The following GLB1 variants were observed in gnomAD, a reference collection of about 807,000 sequenced individuals.
The protein encoded by GLB1 is beta-galactosidase.
GLB1 carries 56 observed loss-of-function variants against 74.0 expected under a neutral mutation model. The observed-to-expected ratio is 0.76, with a 90% CI of 0.61 to 0.94. The LOEUF (loss-of-function observed/expected upper bound fraction) is 0.94. Ranked by LOEUF, GLB1 falls within the 40% of genes least tolerant of loss-of-function variation. The probability of loss-of-function intolerance (pLI) is 0.00; values close to 1 mark genes in which losing one functional copy is unlikely to be tolerated. For synonymous variants in GLB1, 323 were observed against 323.6 expected (o/e 1.00, Z 0.02); for missense variants, 787 against 845.5 (o/e 0.93, Z 0.86).
chr3:33,076,860 C>T (rs946058760), intron 1 of GLB1, among the ~76,000 whole-genome samples: 18 of 152,146 alleles, frequency 1.2e-4, no homozygotes, highest in African/African-American at 4.3e-4. Context: ...TTCCCCTTCA[C>T]ATAAAAACTG....
intron 1 of GLB1, among the ~76,000 whole-genome samples, chr3:33,086,509 A>G (rs1043034206): frequency 5.3e-5 from 8 of 152,230 alleles, no homozygotes; most frequent in African/African-American, 1.9e-4. Context: ...CATTAAATGG[A>G]AAGATAATGC....
chr3:33,010,498 T>C (rs549927936), intron 15 of GLB1, among the ~76,000 whole-genome samples: 1 of 152,266 alleles, frequency 6.6e-6, no homozygotes, highest in Non-Finnish European at 1.5e-5. Flanking sequence ...TTGTCTATTA[T>C]TGAATTGTAA....
chr3:32,965,504 A>G, the GLB1 span, among the ~76,000 whole-genome samples: 1 of 152,160 alleles, frequency 6.6e-6, no homozygotes, highest in African/African-American at 2.4e-5. Flanking sequence ...GAAATTTCCG[A>G]GCAGCAAAGT....
At chr3:33,049,311 A>G (rs189044654) in intron 9 of GLB1, among the ~76,000 whole-genome samples, 1,713 of 149,700 alleles carry the variant, frequency 0.011, 39 homozygotes, top group African/African-American at 0.04. Context: ...CTTTTTTTTA[A>G]TTTAATTTAA....
intron 2 of GLB1, among the ~76,000 whole-genome samples, chr3:33,069,239 A>C (rs1009059320): frequency 2.6e-5 from 4 of 152,004 alleles, no homozygotes; most frequent in African/African-American, 4.8e-5. Context: ...AAAACACAAA[A>C]AAATTAGCCA....
the GLB1 span, among the ~76,000 whole-genome samples, chr3:32,966,954 T>G: frequency 6.6e-6 from 1 of 152,304 alleles, no homozygotes; most frequent in East Asian, 1.9e-4. Context: ...GTCCATTAGA[T>G]TTCTTTCCTT....
At chr3:32,978,766 T>TTTC in the GLB1 span, among the ~76,000 whole-genome samples, 65 of 17,238 alleles carry the variant, frequency 3.8e-3, no homozygotes, top group Middle Eastern at 0.12. Flanking sequence ...TCTTTCTTTC[T>TTTC]TTTTTTTTTT....
the GLB1 span, among the ~76,000 whole-genome samples, chr3:32,962,933 A>G: frequency 3.9e-5 from 6 of 152,224 alleles, no homozygotes; most frequent in South Asian, 1.0e-3. Flanking sequence ...TATAAATTAC[A>G]TACACCGATT....
intron 7 of GLB1, among the ~76,000 whole-genome samples, chr3:33,052,402 G>A (rs571764134): frequency 6.6e-6 from 1 of 152,306 alleles, no homozygotes; most frequent in South Asian, 2.1e-4. Flanking sequence ...GGGAGGCCGA[G>A]GTGGGCGGAT....
At chr3:33,070,826 C>A (rs1699862689) in intron 2 of GLB1, among the ~76,000 whole-genome samples, 1 of 152,058 alleles carries the variant, frequency 6.6e-6, no homozygotes, top group Non-Finnish European at 1.5e-5. Context: ...AGCCAGGTGA[C>A]AGAGCAAGAC....
Position 33,093,230 on chromosome 3 carries a change from CCCACTG to C in GLB1, c.75+3775_75+3780del. ...AGCAGATCCAGTCCTCATCCTCACTCCCACTGCCACTGCCACCACCACCACGTTGGG... is the reference window on the plus strand; with the variant it reads ...AGCAGATCCAGTCCTCATCCTCACTCCCACTGCCACCACCACCACGTTGGG... On this transcript the variant is annotated intron_variant, in intron 1 of 15. Coordinates refer to ENST00000307363, the MANE Select transcript of GLB1 (RefSeq NM_000404.4). The surrounding 1 kb of genome is among the most constrained non-coding windows in gnomAD (Gnocchi z 6.0). The C allele has an allele frequency of 6.2e-7, 1 of 1,614,104 alleles. No homozygotes were observed. The highest frequency in any genetic ancestry group is 8.5e-7 in the Non-Finnish European group (1 of 1,179,986).
chr3:33,031,947 G>A (rs936561357), intron 10 of GLB1, among the ~76,000 whole-genome samples: 3 of 151,766 alleles, frequency 2.0e-5, no homozygotes, highest in Admixed American at 6.6e-5. Flanking sequence ...ACAGGCATAC[G>A]CCATCATGCC....
At chr3:33,083,436 A>G (rs1262532246) in intron 1 of GLB1, among the ~76,000 whole-genome samples, 3 of 151,520 alleles carry the variant, frequency 2.0e-5, no homozygotes, top group Non-Finnish European at 4.4e-5. Context: ...AGGAGGAAGA[A>G]AGGAGGAAAA....
chr3:32,990,312 C>G, the GLB1 span, among the ~76,000 whole-genome samples: 1 of 152,314 alleles, frequency 6.6e-6, no homozygotes, highest in South Asian at 2.1e-4. Flanking sequence ...CACATCAAGT[C>G]TAAGACTGGA....
At chr3:33,048,702 T>G (rs919066681) in intron 9 of GLB1, among the ~76,000 whole-genome samples, 2 of 152,118 alleles carry the variant, frequency 1.3e-5, no homozygotes, top group African/African-American at 4.8e-5. Flanking sequence ...CAGGGAGGCT[T>G]GGCAGAACAC....
the GLB1 span, among the ~76,000 whole-genome samples, chr3:32,964,286 G>A: frequency 6.6e-6 from 1 of 152,202 alleles, no homozygotes; most frequent in East Asian, 1.9e-4. Context: ...CAAATAAAGT[G>A]AACGATGGTT....
chr3:33,027,977 T>G (rs1026385095), intron 10 of GLB1, among the ~76,000 whole-genome samples: 2 of 152,190 alleles, frequency 1.3e-5, no homozygotes, highest in Non-Finnish European at 2.9e-5. Context: ...CACGGCTCAC[T>G]GCAGCCTCAA....
rs1010792000 is a variant in GLB1 at position 32,996,750 on chromosome 3, T to G, written c.*295A>C. 15 of 412,298 alleles carry G rather than the reference T, an allele frequency of 3.6e-5. No individual in the cohort carries two copies. Among genetic ancestry groups the G allele is most frequent in the Non-Finnish European group, 6.3e-5 (14 of 223,146 alleles). The allele number at this position is 412,298 out of a possible 1,614,324, so 25.5% of individuals were successfully genotyped here. On this transcript the variant is annotated 3_prime_UTR_variant, in exon 16 of 16. Transcript: ENST00000307363. ...TCATCATTTGAGTACAAATTTTATT[T>G]AACAAAAAGGTAACATGATTCTTCC...
At chr3:33,090,866 G>A (rs1216799531) in intron 1 of GLB1, 8 of 985,232 alleles carry the variant, frequency 8.1e-6, no homozygotes, top group Non-Finnish European at 7.2e-6. Flanking sequence ...TGGATGAAGG[G>A]TACATAAGAC....
Sources: gnomAD v4.1 joint callset for allele counts (sites outside exome capture counted in the v4.1 genomes callset) on GRCh38, gnomAD v4.1.1 for gene constraint, Gnocchi (gnomAD v3.1) non-coding constraint, MANE v1.5 for transcripts, NCBI Gene and HGNC (gene_info 2026-07-23, HGNC 2026-07-21) for gene names.